The following QSER1 variants were observed in gnomAD, a reference collection of about 807,000 sequenced individuals.
The protein encoded by QSER1 is glutamine and serine rich 1.
In QSER1, 49 loss-of-function variants were observed where a neutral mutation model predicts 158.5. The observed-to-expected ratio is 0.31, with a 90% CI of 0.25 to 0.39. QSER1 has a LOEUF of 0.39. Among genes scored for constraint, QSER1 ranks in the 10% least tolerant of loss-of-function variants. QSER1 has a pLI of 1.00. For synonymous variants in QSER1, 650 were observed against 715.5 expected, an observed-to-expected ratio of 0.91 and a Z score of 1.46; for missense variants, 1,754 against 2,010.3, an observed-to-expected ratio of 0.87 and a Z score of 2.44.
At chr11:32,945,558 A>T (rs1398190296) in intron 4 of QSER1, among the ~76,000 whole-genome samples, 1 of 152,090 alleles carries the variant, frequency 6.6e-6, no homozygotes, top group Non-Finnish European at 1.5e-5. Context: ...AATGTTGAAT[A>T]TTGGCCCCCA....
At chr11:32,922,979 T>G (rs760681794) in intron 1 of QSER1, among the ~76,000 whole-genome samples, 1 of 152,212 alleles carries the variant, frequency 6.6e-6, no homozygotes, top group Non-Finnish European at 1.5e-5. Flanking sequence ...TTAAAACTTA[T>G]GTTCACACAA....
intron 3 of QSER1, among the ~76,000 whole-genome samples, chr11:32,930,241 A>C (rs531310765): frequency 1.3e-5 from 2 of 152,218 alleles, no homozygotes; most frequent in Non-Finnish European, 2.9e-5. Context: ...CTTGACCCTC[A>C]GCAAGTCACA....
chr11:32,975,432 T>G, intron 12 of QSER1, 89 bp downstream of exon 12: 1 of 1,567,546 alleles, frequency 6.4e-7, no homozygotes, highest in African/African-American at 1.3e-5. Context: ...TTAAAGAGAG[T>G]TGTGAAATAC....
At chr11:32,947,437 T>G (rs1338476782) in intron 4 of QSER1, among the ~76,000 whole-genome samples, 1 of 152,218 alleles carries the variant, frequency 6.6e-6, no homozygotes, top group Non-Finnish European at 1.5e-5. Flanking sequence ...TATATCTTTT[T>G]TATTTAATAA....
intron 1 of QSER1, among the ~76,000 whole-genome samples, chr11:32,912,621 T>C (rs1851781687): frequency 6.6e-6 from 1 of 151,992 alleles, no homozygotes. Flanking sequence ...TACAGACCAT[T>C]CTTTAGGCCA....
intron 7 of QSER1, among the ~76,000 whole-genome samples, chr11:32,956,594 G>T (rs1055311687): frequency 4.6e-5 from 7 of 152,194 alleles, no homozygotes; most frequent in African/African-American, 1.7e-4. Context: ...GTTGTCTGGA[G>T]CATGAATCTG....
At chr11:32,972,275 C>T (rs1041888564) in intron 10 of QSER1, among the ~76,000 whole-genome samples, 2 of 151,838 alleles carry the variant, frequency 1.3e-5, no homozygotes, top group South Asian at 4.2e-4. Context: ...GGTAGGAGCT[C>T]GATTTAATTT....
chr11:32,906,137 T>A (rs1851689998), intron 1 of QSER1, among the ~76,000 whole-genome samples: 1 of 149,644 alleles, frequency 6.7e-6, no homozygotes, highest in African/African-American at 2.5e-5. Context: ...GTTAAAAAAA[T>A]TTGGGCTGGG....
Position 32,975,259 on chromosome 11 carries a change from C to A in QSER1, c.5370C>A (p.Val1790=). The A allele has an allele frequency of 6.4e-7, 1 of 1,554,494 alleles. No individual in the cohort carries two copies. Among genetic ancestry groups the A allele is most frequent in the South Asian group, 1.2e-5 (1 of 81,972 alleles). The change falls in exon 12 of 13, where the codon GTC becomes GTA. Residue 1790 remains valine (V), a synonymous_variant. Coordinates refer to ENST00000650167, the MANE Select transcript of QSER1 (RefSeq NM_001076786.3). ...TTTKSAQEFA[V]DPEKIQLYSL... is the part of the protein sequence containing the mutation. ...TTTTCTTTTTATAGGAGTTTGCTGT[C>A]GATCCAGAGAAAATACAGTTGTATT...
At position 32,933,673 on chromosome 11, in the gene QSER1, A is replaced by C. The variant is rs374350718; in HGVS notation, c.2415A>C (p.Leu805Phe). Residue 805 changes from leucine to phenylalanine, a missense_variant, in exon 4 of 13, where the codon TTA becomes TTC. Around this residue, in one of 2 missense-constraint regions of QSER1, gnomAD observed 1,707 missense variants for 1,919.6 expected, o/e 0.89. Transcript: ENST00000650167. ...TPQIRLNTKD[L>F]KQQHPLILKV... ...AAATAAGGTTGAATACTAAAGACTT[A>C]AAGCAGCAACATCCTCTCATACTTA... The C allele has an allele frequency of 2.5e-6, 4 of 1,613,556 alleles. No individual in the cohort carries two copies. The African/African-American group carries it at 5.3e-5, about 22-fold the overall frequency.
Position 32,966,395 on chromosome 11 carries a change from G to T in QSER1, c.5065G>T (p.Ala1689Ser), listed in dbSNP as rs1431350206. The T allele has an allele frequency of 6.2e-7, 1 of 1,613,956 alleles. No individual in the cohort carries two copies. The highest frequency in any genetic ancestry group is 8.5e-7 in the Non-Finnish European group (1 of 1,179,960). Residue 1689 changes from alanine to serine, a missense_variant, in exon 9 of 13, where the codon GCC (alanine) becomes TCC (serine). Ala to Ser is a moderately conservative substitution (Grantham distance 99). Transcript: ENST00000650167. ...KSYMELLVSI[A>S]LDPDTMQALE... ...CTACATGGAATTGCTTGTTAGCATT[G>T]CCTTGGACCCTGACACAATGCAAGC...
At position 32,977,512 on chromosome 11, in the gene QSER1, C is replaced by A. The variant is rs1277819326; in HGVS notation, c.*1038C>A. On this transcript the variant is annotated 3_prime_UTR_variant, in exon 13 of 13. Coordinates refer to ENST00000650167, the MANE Select transcript of QSER1 (RefSeq NM_001076786.3). ...TTAACTTGTTGAGGTAAAAATCTAACTACATTTACATTTTGAAGAATAAAA... is the reference window on the plus strand; with the variant it reads ...TTAACTTGTTGAGGTAAAAATCTAAATACATTTACATTTTGAAGAATAAAA... 5 of 152,586 alleles carry A rather than the reference C, an allele frequency of 3.3e-5. No individual in the cohort carries two copies. In the East Asian group the frequency reaches 9.6e-4, roughly 29 times the overall value. 9.5% of individuals were successfully genotyped at this position (152,586 alleles called of 1,614,324 possible).
intron 8 of QSER1, among the ~76,000 whole-genome samples, chr11:32,963,025 T>C (rs12796752): frequency 6.6e-6 from 1 of 152,222 alleles, no homozygotes; most frequent in Admixed American, 6.5e-5. Flanking sequence ...TCATACCCAT[T>C]ATATTTATGC....
rs1853012373 is a variant in QSER1 at position 32,978,353 on chromosome 11, G to A, written c.*1879G>A. On this transcript the variant is annotated 3_prime_UTR_variant, in exon 13 of 13. Transcript: ENST00000650167. The stretch of plus-strand genomic sequence containing the variant: ...TAGGAAGCAGCCATATGATAGTATT[G>A]ACTCTGGACAGAATTGATGTCTTTC... The A allele has an allele frequency of 6.6e-6, 1 of 152,204 alleles. No homozygotes were observed. The highest frequency in any genetic ancestry group is 2.1e-4 in the South Asian group (1 of 4,834). 9.4% of individuals were successfully genotyped at this position (152,204 alleles called of 1,614,324 possible).
Position 32,954,095 on chromosome 11 carries a change from G to A in QSER1, c.4416G>A (p.Glu1472=), listed in dbSNP as rs75682354. The change falls in exon 5 of 13, where the codon GAG becomes GAA. Residue 1472 remains glutamate (E), a synonymous_variant. Transcript: ENST00000650167. ...DTVAIEGFTD[E]EDTESGGEGQ... ...TTGCCATAGAAGGTTTTACAGATGA[G>A]GAGGACACAGAAAGCGGAGGAGAAG... 37,264 of 1,614,058 alleles carry A rather than the reference G, an allele frequency of 0.023. 585 individuals carry two copies. Among genetic ancestry groups the A allele is most frequent in the South Asian group, 0.036 (3,301 of 91,084 alleles).
At position 32,968,924 on chromosome 11, in the gene QSER1, G is replaced by A. The variant is rs185417147; in HGVS notation, c.5108-122G>A. On this transcript the variant is annotated intron_variant, in intron 9 of 12. Transcript: ENST00000650167. ...TTCATGTCCAATTTTTTTGCAATCA[G>A]TATTTTACATATGCCAATGAATTTA... The A allele has an allele frequency of 3.6e-4, 208 of 576,432 alleles. 3 individuals carry two copies. In the Middle Eastern group the frequency reaches 4.6e-3, roughly 13 times the overall value. 35.7% of individuals were successfully genotyped at this position (576,432 alleles called of 1,614,324 possible).
rs187812971 is a variant in QSER1 at position 32,928,941 on chromosome 11, T to A, written c.484+818T>A. On this transcript the variant is annotated intron_variant, in intron 3 of 12. Transcript: ENST00000650167. Reference sequence around the variant, plus strand: ...TATTTTTTACTTCCTGAAATAATTATATATTTCATGTATTTAGTTAGATTT... The same window carrying A: ...TATTTTTTACTTCCTGAAATAATTAAATATTTCATGTATTTAGTTAGATTT... Among the ~76,000 whole-genome samples, 868 of 152,284 alleles carry A rather than the reference T, an allele frequency of 5.7e-3. 6 individuals carry two copies. The highest frequency in any genetic ancestry group is 0.01 in the Non-Finnish European group (684 of 68,014).
rs151193402 is a variant in QSER1 at position 32,908,816 on chromosome 11, A to G, written c.209+15482A>G. 9.9e-5 allele frequency among the ~76,000 whole-genome samples: 15 copies of G among 152,264 alleles called. No individual in the cohort carries two copies. The East Asian group carries it at 2.5e-3, about 25-fold the overall frequency. On this transcript the variant is annotated intron_variant, in intron 1 of 12. Transcript: ENST00000650167. Reference sequence around the variant, plus strand: ...AAATTTATGTTTAACATTTTGAGGAATTGCCAAATTTTTCTCCCCTAAAGT... The same window carrying G: ...AAATTTATGTTTAACATTTTGAGGAGTTGCCAAATTTTTCTCCCCTAAAGT...
chr11:32,935,612 C>G (rs1301629415), intron 4 of QSER1, among the ~76,000 whole-genome samples, 177 bp downstream of exon 4: 1 of 152,142 alleles, frequency 6.6e-6, no homozygotes, highest in Admixed American at 6.6e-5. Context: ...TAGGAAAGGT[C>G]TATGTTTTAG....
Sources: gnomAD v4.1 joint callset for allele counts (sites outside exome capture counted in the v4.1 genomes callset) on GRCh38, gnomAD v4.1.1 for gene constraint, gnomAD v4.1.1 regional missense constraint, MANE v1.5 for transcripts, NCBI Gene and HGNC (gene_info 2026-07-23, HGNC 2026-07-21) for gene names.